The following GAK variants were observed in gnomAD, a reference collection of about 807,000 sequenced individuals.
GAK encodes cyclin-G-associated kinase.
In GAK, 79 loss-of-function variants were observed where a neutral mutation model predicts 143.9. The ratio of observed to expected loss-of-function variants is 0.55; its 90% CI spans 0.46 to 0.66. The LOEUF (loss-of-function observed/expected upper bound fraction) is 0.66. Ranked by LOEUF, GAK falls within the 30% of genes least tolerant of loss-of-function variation. The pLI is 0.00. For synonymous variants in GAK, 881 were observed against 765.5 expected (o/e 1.15, Z -2.49); for missense variants, 1,693 against 1,779.7 (o/e 0.95, Z 0.88).
intron 1 of GAK, among the ~76,000 whole-genome samples, chr4:921,027 G>A (rs954111054): frequency 6.6e-6 from 1 of 152,180 alleles, no homozygotes; most frequent in African/African-American, 2.4e-5. Context: ...TTGGCAGAGG[G>A]ACAGATACAA....
rs13104454 is a variant in GAK, at chr4:926,166, C to T, written c.145+5877G>A. ...TAATTCACCCCAGGGGGTCCTCCCTCGACAGTGACCTCCCCCAATGGTGAG... is the reference window on the plus strand; with the variant it reads ...TAATTCACCCCAGGGGGTCCTCCCTTGACAGTGACCTCCCCCAATGGTGAG... On this transcript the variant is annotated intron_variant, in intron 1 of 27. Transcript: ENST00000314167. Among the ~76,000 whole-genome samples, 1,111 of 151,100 alleles carry T rather than the reference C, an allele frequency of 7.4e-3. 17 individuals carry two copies. Among genetic ancestry groups the T allele is most frequent in the African/African-American group, 0.026 (1,068 of 41,322 alleles).
Position 849,817 on chromosome 4 carries a change from G to A in GAK, c.3835-43C>T, listed in dbSNP as rs765656211. 29 of 1,516,814 alleles carry A rather than the reference G, an allele frequency of 1.9e-5. No individual in the cohort carries two copies. In the African/African-American group the frequency reaches 3.4e-4, roughly 18 times the overall value. 94.0% of individuals were successfully genotyped at this position (1,516,814 alleles called of 1,614,324 possible). On this transcript the variant is annotated intron_variant, in intron 27 of 27. Transcript: ENST00000314167. ...TGTAAGCGCCTCTTATAAGCATGCG[G>A]GGGCGGGCGGGGCAGGACCCCCCCC...
intron 26 of GAK, 140 bp downstream of exon 26, chr4:850,796 C>G (rs971963757): frequency 8.6e-6 from 8 of 929,166 alleles, no homozygotes; most frequent in South Asian, 3.9e-5. Context: ...CTGGAGACGC[C>G]GGCTCCATGT....
In GAK at chr4:877,172, G is replaced by C. The variant is rs1312320228; in HGVS notation, c.1892C>G (p.Pro631Arg). 1 of 1,613,910 alleles carries C rather than the reference G, an allele frequency of 6.2e-7. No individual in the cohort carries two copies. The highest frequency in any genetic ancestry group is 1.1e-5 in the South Asian group (1 of 91,066). ...FKIEDGKAVI[P>R]LGVTVQGDVL... ...GTCTCCTTGCACCGTGACGCCCAGG[G>C]GAATCACCGCTTTGCCATCTTCAAT... is the stretch of plus-strand genomic sequence containing the variant. Residue 631 changes from proline to arginine, a missense_variant, in exon 17 of 28, where the codon CCC (proline) becomes CGC (arginine). Physicochemically the swap from Pro to Arg is moderately radical, Grantham distance 103. This residue lies in a region of GAK where 871 missense variants were observed against 991.0 expected (regional missense o/e 0.88). Coordinates refer to ENST00000314167, the MANE Select transcript of GAK (RefSeq NM_005255.4).
At chr4:912,512 TTC>T in intron 3 of GAK, 1 of 496,882 alleles carries the variant, frequency 2.0e-6, no homozygotes, top group South Asian at 2.4e-5. Context: ...TTCCCAACAC[TTC>T]TGAATCTTCT....
At chr4:897,950 C>T (rs945054156) in intron 6 of GAK, 83 bp downstream of exon 6, 16 of 1,450,610 alleles carry the variant, frequency 1.1e-5, no homozygotes, top group Non-Finnish European at 1.5e-5. Flanking sequence ...TCAAAGCACC[C>T]CGGCGGAAAA....
At chr4:897,478 G>A (rs2152879524) in intron 6 of GAK, among the ~76,000 whole-genome samples, 1 of 152,298 alleles carries the variant, frequency 6.6e-6, no homozygotes, top group African/African-American at 2.4e-5. Context: ...AAGACACAGG[G>A]TGAGAGCAGG....
chr4:900,916 G>A (rs1003981373), intron 5 of GAK, among the ~76,000 whole-genome samples: 1 of 152,108 alleles, frequency 6.6e-6, no homozygotes, highest in South Asian at 2.1e-4. Context: ...GAGCGAAAGG[G>A]CCTGGGGCTC....
In GAK at chr4:866,348, G is replaced by A. The variant is rs1751160415; in HGVS notation, c.3043+16C>T. 13 of 1,612,642 alleles carry A rather than the reference G, an allele frequency of 8.1e-6. No homozygotes were observed. The highest frequency in any genetic ancestry group is 8.5e-6 in the Non-Finnish European group (10 of 1,179,210). On this transcript the variant is annotated intron_variant, in intron 22 of 27. Coordinates refer to ENST00000314167, the MANE Select transcript of GAK (RefSeq NM_005255.4). ...GGCGGCCATGGAGAGCTGGCTGCCA[G>A]GCGAGAGGCACTTACCCAGGTGCAG...
At chr4:869,546 G>T (rs1397393898) in intron 19 of GAK, 2 of 97,484 alleles carry the variant, frequency 2.1e-5, no homozygotes, top group Non-Finnish European at 2.0e-5. Flanking sequence ...CACACATGCA[G>T]GGTACACATG....
intron 1 of GAK, among the ~76,000 whole-genome samples, chr4:929,644 T>C (rs1261252389): frequency 6.6e-6 from 1 of 151,532 alleles, no homozygotes; most frequent in African/African-American, 2.4e-5. Context: ...CAGAGCCCAG[T>C]TCAAATCCAT....
In GAK at chr4:865,061, A is replaced by G. The variant is rs1008390881; in HGVS notation, c.3166+61T>C. 1.1e-5 allele frequency: 18 copies of G among 1,574,518 alleles called. No individual in the cohort carries two copies. In the Admixed American group the frequency reaches 3.1e-4, roughly 27 times the overall value. On this transcript the variant is annotated intron_variant, in intron 23 of 27. Coordinates refer to ENST00000314167, the MANE Select transcript of GAK (RefSeq NM_005255.4). ...GCCCTGTTACAGGTACGTGTGAAAT[A>G]GAGACGGGCCACAGCAGCTGCACGT...
intron 5 of GAK, among the ~76,000 whole-genome samples, chr4:901,534 G>A (rs1032991459): frequency 5.9e-5 from 9 of 152,262 alleles, no homozygotes; most frequent in African/African-American, 1.7e-4. Flanking sequence ...GCTGATGCAC[G>A]GGGTGCAGGG....
At chr4:871,181 C>T (rs563787232) in intron 18 of GAK, among the ~76,000 whole-genome samples, 5 of 152,370 alleles carry the variant, frequency 3.3e-5, no homozygotes, top group East Asian at 3.9e-4. Flanking sequence ...GGGATGCCCG[C>T]GACTGTGTTC....
chr4:918,491 C>T lies in GAK; in HGVS notation c.146-4823G>A, dbSNP rs76138777. 8.8e-3 allele frequency among the ~76,000 whole-genome samples: 1,337 copies of T among 152,340 alleles called. 24 individuals carry two copies. The highest frequency in any genetic ancestry group is 0.03 in the African/African-American group (1,260 of 41,576). On this transcript the variant is annotated intron_variant, in intron 1 of 27. Transcript: ENST00000314167. ...GAATAAGCTCAAGAGATCCACTGTACAACACGGTGACTATACAGTTACTAA... is the reference window on the plus strand; with the variant it reads ...GAATAAGCTCAAGAGATCCACTGTATAACACGGTGACTATACAGTTACTAA...
chr4:920,924 A>G (rs1325308447), intron 1 of GAK, among the ~76,000 whole-genome samples: 2 of 152,198 alleles, frequency 1.3e-5, no homozygotes, highest in Non-Finnish European at 2.9e-5. Flanking sequence ...ATTTTTCTGC[A>G]TTTTAAAATA....
At chr4:864,902 C>T (rs997050803) in intron 23 of GAK, among the ~76,000 whole-genome samples, 1 of 152,218 alleles carries the variant, frequency 6.6e-6, no homozygotes, top group South Asian at 2.1e-4. Flanking sequence ...AGCTCTGGGA[C>T]ACCAAGTCTG....
rs752541105 is a variant in GAK at position 904,797 on chromosome 4, T to G, written c.383-18A>C. On this transcript the variant is annotated intron_variant, in intron 4 of 27. Coordinates refer to ENST00000314167, the MANE Select transcript of GAK (RefSeq NM_005255.4). ...CAGCTGCCCTAAAAGAGAATGAAACTCACATGGAGGCAGGAGAACAGGGTC... is the reference window on the plus strand; with the variant it reads ...CAGCTGCCCTAAAAGAGAATGAAACGCACATGGAGGCAGGAGAACAGGGTC... 2.5e-6 allele frequency: 4 copies of G among 1,610,744 alleles called. No individual in the cohort carries two copies. Among genetic ancestry groups the G allele is most frequent in the Non-Finnish European group, 3.4e-6 (4 of 1,177,900 alleles).
intron 1 of GAK, among the ~76,000 whole-genome samples, chr4:922,797 T>G (rs929414549): frequency 2.0e-5 from 3 of 152,192 alleles, no homozygotes; most frequent in Admixed American, 2.0e-4. Flanking sequence ...GCAACTGCAC[T>G]CTTAAACATT....
Sources: allele counts gnomAD v4.1 joint callset (sites outside exome capture counted in the v4.1 genomes callset), GRCh38; gene constraint gnomAD v4.1.1; regional missense constraint gnomAD v4.1.1; transcripts MANE v1.5; gene names NCBI Gene and HGNC (gene_info 2026-07-23, HGNC 2026-07-21).